CACNA2D2: variants seen among roughly 807,000 people sequenced by gnomAD.
CACNA2D2 encodes calcium voltage-gated channel auxiliary subunit alpha2delta 2.
CACNA2D2 carries 48 observed loss-of-function variants against 166.4 expected under a neutral mutation model. That is an observed-to-expected ratio of 0.29 (90% CI 0.23 to 0.37). The LOEUF is 0.37. Among genes scored for constraint, CACNA2D2 ranks in the 10% least tolerant of loss-of-function variants. The probability of loss-of-function intolerance (pLI) is 1.00; values close to 1 mark genes in which losing one functional copy is unlikely to be tolerated. For missense variants in CACNA2D2, 1,122 were observed against 1,433.0 expected, an observed-to-expected ratio of 0.78 and a Z score of 3.50; for synonymous variants, 561 against 573.7, an observed-to-expected ratio of 0.98 and a Z score of 0.32.
In CACNA2D2 at chr3:50,364,363, G is replaced by C. The variant is rs904132706; in HGVS notation, c.*303C>G. 5.2e-6 allele frequency: 2 copies of C among 385,030 alleles called. No homozygotes were observed. Among genetic ancestry groups the C allele is most frequent in the East Asian group, 4.1e-5 (1 of 24,482 alleles). 23.9% of individuals were successfully genotyped at this position (385,030 alleles called of 1,614,324 possible). On this transcript the variant is annotated 3_prime_UTR_variant, in exon 38 of 38. Coordinates refer to ENST00000424201, the MANE Select transcript of CACNA2D2 (RefSeq NM_006030.4). ...CAGGAAGGGCGGCAGCAGAGGCCTG[G>C]TTTTGGCACCAGTGCGTGTGGCCTC... is the stretch of plus-strand genomic sequence containing the variant.
At chr3:50,388,756 T>C (rs892067713) in intron 4 of CACNA2D2, among the ~76,000 whole-genome samples, 1 of 152,222 alleles carries the variant, frequency 6.6e-6, no homozygotes, top group Non-Finnish European at 1.5e-5. Context: ...CTGTGGTGAC[T>C]GCCCACGGGC....
intron 1 of CACNA2D2, among the ~76,000 whole-genome samples, chr3:50,481,246 G>C (rs895331304): frequency 6.6e-6 from 1 of 152,104 alleles, no homozygotes; most frequent in African/African-American, 2.4e-5. Context: ...GCAGACAGGG[G>C]CAGGCCCCGG....
At position 50,380,902 on chromosome 3, in the gene CACNA2D2, A is replaced by G; in HGVS notation, c.784+93T>C. ...GACTGGGCTGCCACAGACTACAGAG[A>G]AGCCACCCCGCCCCATGCCCCCAGG... On this transcript the variant is annotated intron_variant, in intron 7 of 37. Coordinates refer to ENST00000424201, the MANE Select transcript of CACNA2D2 (RefSeq NM_006030.4). The surrounding 1 kb of genome is among the most constrained non-coding windows in gnomAD (Gnocchi z 4.9). 1 of 1,560,966 alleles carries G rather than the reference A, an allele frequency of 6.4e-7. No individual in the cohort carries two copies. Among genetic ancestry groups the G allele is most frequent in the Non-Finnish European group, 8.7e-7 (1 of 1,148,454 alleles).
At chr3:50,473,324 T>G (rs755560290) in intron 2 of CACNA2D2, among the ~76,000 whole-genome samples, 11 of 152,224 alleles carry the variant, frequency 7.2e-5, no homozygotes, top group Non-Finnish European at 1.2e-4. Flanking sequence ...TGTCTGCAGT[T>G]TCTGCACTCT....
At position 50,363,167 on chromosome 3, in the gene CACNA2D2, C is replaced by T. The variant is rs890291795; in HGVS notation, c.*1499G>A. ...ATTCTCCATTGAGCACCTGACTACA[C>T]TACAGTTACACGCACGCCCCCGAAG... On this transcript the variant is annotated 3_prime_UTR_variant, in exon 38 of 38. Coordinates refer to ENST00000424201, the MANE Select transcript of CACNA2D2 (RefSeq NM_006030.4). 5.0e-6 allele frequency: 2 copies of T among 398,902 alleles called. No homozygotes were observed. Among genetic ancestry groups the T allele is most frequent in the Middle Eastern group, 6.3e-4 (1 of 1,586 alleles). 24.7% of individuals were successfully genotyped at this position (398,902 alleles called of 1,614,324 possible). A position where few individuals can be genotyped will look rare whatever the true frequency, so the allele number is the denominator to read the frequency against.
intron 3 of CACNA2D2, among the ~76,000 whole-genome samples, chr3:50,429,156 G>A (rs901635953): frequency 6.6e-6 from 1 of 152,088 alleles, no homozygotes; most frequent in East Asian, 1.9e-4. Context: ...CTTGAACTTC[G>A]GAGGCAGAGG....
chr3:50,496,050 A>C (rs1218327149), intron 1 of CACNA2D2, among the ~76,000 whole-genome samples: 1 of 152,206 alleles, frequency 6.6e-6, no homozygotes, highest in African/African-American at 2.4e-5. Flanking sequence ...TCTAACATAA[A>C]AGTTTGCAAA....
rs587731602 is a variant in CACNA2D2, at chr3:50,378,255, C to T, written c.1389+29G>A. ...AGCGTCCCTGCAGGGAAGCCAGGGG[C>T]TGGGAGGAGGGGCCTCCCCAAGTCT... On this transcript the variant is annotated intron_variant, in intron 14 of 37. Coordinates refer to ENST00000424201, the MANE Select transcript of CACNA2D2 (RefSeq NM_006030.4). 2.6e-6 allele frequency: 4 copies of T among 1,555,270 alleles called. No individual in the cohort carries two copies. The African/African-American group carries it at 4.1e-5, about 16-fold the overall frequency.
rs540795875 is a variant in CACNA2D2, at chr3:50,429,045, C to T, written c.405+5268G>A. ...AGGAGTTCGAGACCAGCCTGCGCAA[C>T]ATAGCGAAACCCCAGCTCTACTAAA... On this transcript the variant is annotated intron_variant, in intron 3 of 37. Coordinates refer to ENST00000424201, the MANE Select transcript of CACNA2D2 (RefSeq NM_006030.4). Among the ~76,000 whole-genome samples the T allele has an allele frequency of 6.6e-5, 10 of 152,212 alleles. No individual in the cohort carries two copies. The South Asian group carries it at 1.9e-3, about 28-fold the overall frequency.
rs374714521 is a variant in CACNA2D2, at chr3:50,423,661, C to A, written c.405+10652G>T. On this transcript the variant is annotated intron_variant, in intron 3 of 37. Coordinates refer to ENST00000424201, the MANE Select transcript of CACNA2D2 (RefSeq NM_006030.4). ...GCTGATCTCCGTAACTGGGCTCCAG[C>A]TGGTGTTGACACAGCAAACATGCTG... 7.2e-5 allele frequency among the ~76,000 whole-genome samples: 11 copies of A among 152,388 alleles called. No individual in the cohort carries two copies. In the East Asian group the frequency reaches 1.9e-3, roughly 27 times the overall value.
In CACNA2D2 at chr3:50,379,945, A is replaced by G. The variant is rs777922265; in HGVS notation, c.893+23T>C. On this transcript the variant is annotated intron_variant, in intron 9 of 37. Transcript: ENST00000424201. This position sits in a 1 kb window ranked among gnomAD's most constrained non-coding sequence, Gnocchi z 6.5. Reference sequence around the variant, plus strand: ...CATTGCCCGTCCCTGCCCCAGCCCCACTTGCCAGCACTGCTCACTCACACA... The same window carrying G: ...CATTGCCCGTCCCTGCCCCAGCCCCGCTTGCCAGCACTGCTCACTCACACA... 3 of 1,613,854 alleles carry G rather than the reference A, an allele frequency of 1.9e-6. No homozygotes were observed. The highest frequency in any genetic ancestry group is 2.5e-6 in the Non-Finnish European group (3 of 1,179,996).
intron 2 of CACNA2D2, among the ~76,000 whole-genome samples, chr3:50,449,105 C>T (rs911097643): frequency 6.6e-6 from 1 of 152,250 alleles, no homozygotes; most frequent in African/African-American, 2.4e-5. Flanking sequence ...AAAAGCAGGG[C>T]CCTTCTTAGC....
intron 4 of CACNA2D2, among the ~76,000 whole-genome samples, chr3:50,389,030 G>A (rs1483515972): frequency 1.3e-5 from 2 of 152,222 alleles, no homozygotes; most frequent in African/African-American, 4.8e-5. Flanking sequence ...TCGGTCAGAC[G>A]TTTCGAGAGC....
At chr3:50,369,238 T>C (rs1196712400) in intron 23 of CACNA2D2, among the ~76,000 whole-genome samples, 1 of 152,222 alleles carries the variant, frequency 6.6e-6, no homozygotes, top group Non-Finnish European at 1.5e-5. Context: ...GTATACACAG[T>C]ATGCACGTGC....
rs587621890 is a variant in CACNA2D2, at chr3:50,371,702, C to T, written c.1985-1322G>A. 5.5e-4 allele frequency among the ~76,000 whole-genome samples: 83 copies of T among 152,132 alleles called. 1 individual carries two copies. Among genetic ancestry groups the T allele is most frequent in the African/African-American group, 2.0e-3 (81 of 41,470 alleles). On this transcript the variant is annotated intron_variant, in intron 22 of 37. Coordinates refer to ENST00000424201, the MANE Select transcript of CACNA2D2 (RefSeq NM_006030.4). ...CTGGGCAGTCACTGGTTGGACTGTTCCTTTCTGATAGGACTGTGAGGCAGG... is the reference window on the plus strand; with the variant it reads ...CTGGGCAGTCACTGGTTGGACTGTTTCTTTCTGATAGGACTGTGAGGCAGG...
Position 50,362,986 on chromosome 3 carries a change from C to T in CACNA2D2, c.*1680G>A, listed in dbSNP as rs757531867. 15 of 397,594 alleles carry T rather than the reference C, an allele frequency of 3.8e-5. No homozygotes were observed. Among genetic ancestry groups the T allele is most frequent in the Admixed American group, 4.4e-5 (1 of 22,704 alleles). The allele number at this position is 397,594 out of a possible 1,614,324, so 24.6% of individuals were successfully genotyped here. A position where few individuals can be genotyped will look rare whatever the true frequency, so the allele number is the denominator to read the frequency against. On this transcript the variant is annotated 3_prime_UTR_variant, in exon 38 of 38. Transcript: ENST00000424201. ...AAGGGCAGAGAAAAGGAAATGGCCC[C>T]CCAGTCCCCCAGCCCAAGGTGAGGG...
At position 50,365,444 on chromosome 3, in the gene CACNA2D2, T is replaced by C. The variant is rs1205959537; in HGVS notation, c.3010A>G (p.Ser1004Gly). ...TGGGTCTGTTTCATGACGCAGCTGC[T>C]CTCGCGCGTCTCGGGGCTCCCCTCG... ...EAEGSPETRE[S>G]SCVMKQTQYY... Residue 1004 changes from serine to glycine, a missense_variant, in exon 35 of 38, where the codon AGC (serine) becomes GGC (glycine). By Grantham distance (56) the Ser-to-Gly change is moderately conservative. Around this residue, in one of 2 missense-constraint regions of CACNA2D2, gnomAD observed 282 missense variants for 266.2 expected, o/e 1.06. Transcript: ENST00000424201. The surrounding 1 kb of genome is among the most constrained non-coding windows in gnomAD (Gnocchi z 4.5). 1.2e-6 allele frequency: 2 copies of C among 1,613,524 alleles called. No homozygotes were observed. Among genetic ancestry groups the C allele is most frequent in the East Asian group, 4.5e-5 (2 of 44,854 alleles).
intron 4 of CACNA2D2, among the ~76,000 whole-genome samples, chr3:50,393,438 C>T (rs996482471): frequency 3.3e-5 from 5 of 152,220 alleles, no homozygotes; most frequent in African/African-American, 7.2e-5. Context: ...GCCCGAGGGC[C>T]GGTATCCAGC....
At chr3:50,395,334 C>T (rs558291300) in intron 3 of CACNA2D2, among the ~76,000 whole-genome samples, 11 of 152,204 alleles carry the variant, frequency 7.2e-5, no homozygotes, top group African/African-American at 1.7e-4. Flanking sequence ...ATGGTGAGTC[C>T]GGCTCAGGCT....
Sources: allele counts gnomAD v4.1 joint callset (sites outside exome capture counted in the v4.1 genomes callset), GRCh38; gene constraint gnomAD v4.1.1; regional missense constraint gnomAD v4.1.1; non-coding constraint Gnocchi (gnomAD v3.1); transcripts MANE v1.5; gene names NCBI Gene and HGNC (gene_info 2026-07-23, HGNC 2026-07-21).